GALNT17: variants seen among roughly 807,000 people sequenced by gnomAD.
GALNT17 encodes polypeptide N-acetylgalactosaminyltransferase 17.
GALNT17 carries 29 observed loss-of-function variants against 63.7 expected under a neutral mutation model. That is an observed-to-expected ratio of 0.46 (90% CI 0.34 to 0.62). The LOEUF (loss-of-function observed/expected upper bound fraction) is 0.62, where lower values mean the gene tolerates loss of function less well. Ranked by LOEUF, GALNT17 falls within the 20% of genes least tolerant of loss-of-function variation. The pLI, the probability that GALNT17 is intolerant of heterozygous loss-of-function variation, is 0.01. For missense variants in GALNT17, 603 were observed against 799.6 expected (o/e 0.75, Z 2.97); for synonymous variants, 305 against 318.3 (o/e 0.96, Z 0.45).
intron 1 of GALNT17, among the ~76,000 whole-genome samples, chr7:71,328,484 A>G (rs1053140277): frequency 6.6e-6 from 1 of 152,122 alleles, no homozygotes; most frequent in Non-Finnish European, 1.5e-5. Flanking sequence ...CACTTGCAGA[A>G]AAGAAGGTTT....
chr7:71,377,114 A>AAATATATAT lies in GALNT17; in HGVS notation c.423-11120_423-11119insATATATATA. 1.8e-3 allele frequency among the ~76,000 whole-genome samples: 102 copies of AAATATATAT among 57,440 alleles called. 10 individuals carry two copies. Among genetic ancestry groups the AAATATATAT allele is most frequent in the African/African-American group, 7.9e-3 (84 of 10,658 alleles). 37.7% of individuals were successfully genotyped at this position (57,440 alleles called of 152,430 possible). On this transcript the variant is annotated intron_variant, in intron 2 of 10. Coordinates refer to ENST00000333538, the MANE Select transcript of GALNT17 (RefSeq NM_022479.3). ...AAAAAAAAAAAATAAAAATAAAAAA[A>AAATATATAT]ATATATATATATATATATATATATA...
intron 1 of GALNT17, among the ~76,000 whole-genome samples, chr7:71,265,498 C>T (rs965435231): frequency 2.0e-4 from 30 of 152,190 alleles, no homozygotes; most frequent in Non-Finnish European, 3.8e-4. Context: ...GTTGATACCA[C>T]ATAATGATAG....
chr7:71,712,251 G>A lies in GALNT17; in HGVS notation c.*105G>A. Reference sequence around the variant, plus strand: ...GAGAGACAGCAAGGGGCCGGCAGGTGCTCGATGGGCCCCCCAGGGCTTCTC... The same window carrying A: ...GAGAGACAGCAAGGGGCCGGCAGGTACTCGATGGGCCCCCCAGGGCTTCTC... On this transcript the variant is annotated 3_prime_UTR_variant, in exon 11 of 11. Coordinates refer to ENST00000333538, the MANE Select transcript of GALNT17 (RefSeq NM_022479.3). The A allele has an allele frequency of 6.7e-7, 1 of 1,482,394 alleles. No homozygotes were observed. The highest frequency in any genetic ancestry group is 9.0e-7 in the Non-Finnish European group (1 of 1,115,614). The allele number at this position is 1,482,394 out of a possible 1,614,324, so 91.8% of individuals were successfully genotyped here.
At chr7:71,238,901 C>T (rs551693009) in intron 1 of GALNT17, among the ~76,000 whole-genome samples, 36 of 152,278 alleles carry the variant, frequency 2.4e-4, no homozygotes, top group African/African-American at 6.3e-4. Flanking sequence ...GCCCTCTCTC[C>T]GTCTCTCATG....
intron 1 of GALNT17, among the ~76,000 whole-genome samples, chr7:71,288,245 C>G (rs543231396): frequency 7.1e-6 from 1 of 140,058 alleles, no homozygotes; most frequent in Non-Finnish European, 1.6e-5. Flanking sequence ...AAAATCCAAA[C>G]GAAGAGAAAA....
intron 1 of GALNT17, among the ~76,000 whole-genome samples, chr7:71,267,999 A>G (rs768014636): frequency 3.3e-5 from 5 of 152,086 alleles, no homozygotes; most frequent in Admixed American, 6.5e-5. Flanking sequence ...ATTCTGGTTT[A>G]TGTCCCAAAG....
chr7:71,189,468 C>T (rs949270254), intron 1 of GALNT17, among the ~76,000 whole-genome samples: 5 of 152,076 alleles, frequency 3.3e-5, no homozygotes, highest in African/African-American at 7.2e-5. Context: ...GATGTGTAGG[C>T]GTCAGAGGGA....
chr7:71,133,104 A>G (rs1248973184), intron 1 of GALNT17, 64 bp downstream of exon 1: 5 of 1,372,332 alleles, frequency 3.6e-6, no homozygotes, highest in Non-Finnish European at 4.8e-6. Flanking sequence ...GGTGAGCCCC[A>G]GGGTCCTTGC....
chr7:71,437,164 G>A (rs1181354361), intron 5 of GALNT17, among the ~76,000 whole-genome samples: 1 of 152,122 alleles, frequency 6.6e-6, no homozygotes, highest in African/African-American at 2.4e-5. Flanking sequence ...GTTAGTCTTA[G>A]GACCACATGA....
intron 3 of GALNT17, among the ~76,000 whole-genome samples, chr7:71,398,429 T>C (rs1793179112): frequency 6.6e-6 from 1 of 152,218 alleles, no homozygotes; most frequent in Non-Finnish European, 1.5e-5. Flanking sequence ...ATCATTTTTA[T>C]TCTCTGAAAG....
At chr7:71,393,669 C>T (rs73360181) in intron 3 of GALNT17, among the ~76,000 whole-genome samples, 18,397 of 151,996 alleles carry the variant, frequency 0.12, 2,505 homozygotes, top group African/African-American at 0.34. Flanking sequence ...TGTACAAAGC[C>T]GGGGCACTCT....
chr7:71,477,317 C>T (rs1347884318), intron 5 of GALNT17, among the ~76,000 whole-genome samples: 2 of 152,100 alleles, frequency 1.3e-5, no homozygotes, highest in Non-Finnish European at 2.9e-5. Context: ...TCCAGGAGTT[C>T]AAGGCAGTGA....
At chr7:71,708,147 T>G (rs1156907203) in intron 9 of GALNT17, among the ~76,000 whole-genome samples, 1 of 152,204 alleles carries the variant, frequency 6.6e-6, no homozygotes, top group Non-Finnish European at 1.5e-5. Flanking sequence ...TTGTTTGCAA[T>G]TCTGATTATT....
At chr7:71,411,339 C>T (rs979229032) in intron 3 of GALNT17, among the ~76,000 whole-genome samples, 14 of 151,846 alleles carry the variant, frequency 9.2e-5, no homozygotes, top group African/African-American at 3.4e-4. Context: ...AGGCTGGTCT[C>T]GAACTCCTGA....
chr7:71,538,450 A>G (rs1003281275), intron 5 of GALNT17, among the ~76,000 whole-genome samples: 10 of 152,318 alleles, frequency 6.6e-5, no homozygotes, highest in African/African-American at 2.4e-4. Flanking sequence ...CAAGCTTTTC[A>G]GTCAACCCGA....
At chr7:71,246,702 G>A (rs1330276538) in intron 1 of GALNT17, among the ~76,000 whole-genome samples, 2 of 151,728 alleles carry the variant, frequency 1.3e-5, no homozygotes, top group African/African-American at 2.4e-5. Context: ...TGTGGCGGGC[G>A]CCTGTAGTCC....
intron 2 of GALNT17, among the ~76,000 whole-genome samples, chr7:71,338,683 C>T (rs1791955763): frequency 6.6e-6 from 1 of 152,152 alleles, no homozygotes; most frequent in Non-Finnish European, 1.5e-5. Context: ...CAGAACTCCA[C>T]CTCCGCTTCT....
At chr7:71,375,896 G>C (rs1792712617) in intron 2 of GALNT17, among the ~76,000 whole-genome samples, 2 of 152,126 alleles carry the variant, frequency 1.3e-5, no homozygotes, top group African/African-American at 4.8e-5. Context: ...TGAACAACAT[G>C]GTAAAACCCC....
intron 5 of GALNT17, among the ~76,000 whole-genome samples, chr7:71,466,812 C>T (rs147014827): frequency 5.3e-5 from 8 of 152,110 alleles, no homozygotes; most frequent in Non-Finnish European, 8.8e-5. Context: ...TGGAAACACC[C>T]GTTTTGAGAT....
Sources: allele counts gnomAD v4.1 joint callset (sites outside exome capture counted in the v4.1 genomes callset), GRCh38; gene constraint gnomAD v4.1.1; transcripts MANE v1.5; gene names NCBI Gene and HGNC (gene_info 2026-07-23, HGNC 2026-07-21).